Variants in CASP10 observed in about 807,000 individuals in gnomAD.
The protein encoded by CASP10 is caspase-10.
A neutral mutation model predicts 48.5 loss-of-function variants in CASP10; 41 were observed. The observed-to-expected ratio is 0.85, with a 90% CI of 0.66 to 1.10. The LOEUF (loss-of-function observed/expected upper bound fraction) is 1.10, where lower values mean the gene tolerates loss of function less well. CASP10 is among the 50% of genes least tolerant of loss of function. The pLI is 0.00. For synonymous variants in CASP10, 232 were observed against 238.4 expected, an observed-to-expected ratio of 0.97 and a Z score of 0.25; for missense variants, 614 against 614.5, an observed-to-expected ratio of 1.00 and a Z score of 0.01.
downstream of CASP10, among the ~76,000 whole-genome samples, chr2:201,226,537 TCCTG>T (rs1170706652): frequency 6.6e-6 from 1 of 152,212 alleles, no homozygotes; most frequent in Non-Finnish European, 1.5e-5. Context: ...GGTCTTGAAC[TCCTG>T]GCCTCAAGCA....
chr2:201,209,490 C>A lies in CASP10; in HGVS notation c.1343C>A (p.Ser448Tyr), dbSNP rs1945326479. 6.2e-7 allele frequency: 1 copy of A among 1,613,672 alleles called. No homozygotes were observed. The highest frequency in any genetic ancestry group is 1.7e-5 in the Admixed American group (1 of 59,924). ...LGLATVPGYV[S>Y]FRHVEEGSWY... ...CTGGCCACTGTCCCAGGCTATGTAT[C>A]CTTTCGGCATGTGGAGGAAGGCAGC... The change falls in exon 9 of 10, where the codon TCC (serine) becomes TAC (tyrosine). Residue 448 changes from serine to tyrosine, a missense_variant. Transcript: ENST00000286186.
At chr2:201,203,900 A>G in intron 6 of CASP10, 134 bp downstream of exon 6, 1 of 769,322 alleles carries the variant, frequency 1.3e-6, no homozygotes, top group East Asian at 2.7e-5. Context: ...TTTTTATTCC[A>G]ATTCAAGGCA....
chr2:201,188,049 C>T (rs1204772279), intron 3 of CASP10, among the ~76,000 whole-genome samples: 1 of 152,072 alleles, frequency 6.6e-6, no homozygotes, highest in East Asian at 1.9e-4. Context: ...TGTGGGCAAT[C>T]GTATGACTTC....
In CASP10 at chr2:201,209,219, C is replaced by T. The variant is rs1478166590; in HGVS notation, c.1072C>T (p.His358Tyr). ...GDCFVFCILT[H>Y]GRFGAVYSSD... Reference sequence around the variant, plus strand: ...CTGCTTCGTGTTCTGTATTCTGACCCATGGGAGATTTGGAGCTGTCTACTC... The same window carrying T: ...CTGCTTCGTGTTCTGTATTCTGACCTATGGGAGATTTGGAGCTGTCTACTC... Residue 358 changes from histidine to tyrosine, a missense_variant, in exon 9 of 10, where the codon CAT (histidine) becomes TAT (tyrosine). Coordinates refer to ENST00000286186, the MANE Select transcript of CASP10 (RefSeq NM_032977.4). 2 of 1,614,112 alleles carry T rather than the reference C, an allele frequency of 1.2e-6. No homozygotes were observed. The highest frequency in any genetic ancestry group is 2.2e-5 in the South Asian group (2 of 91,084).
intron 3 of CASP10, among the ~76,000 whole-genome samples, chr2:201,188,160 G>A (rs1944480048): frequency 6.6e-6 from 1 of 152,056 alleles, no homozygotes; most frequent in Non-Finnish European, 1.5e-5. Flanking sequence ...ACTTCTGTTG[G>A]AATCTGTTGT....
At chr2:201,197,608 C>A (rs561493365) in intron 5 of CASP10, among the ~76,000 whole-genome samples, 92 of 152,276 alleles carry the variant, frequency 6.0e-4, no homozygotes, top group Non-Finnish European at 1.0e-3. Context: ...GAGTGAGACC[C>A]TGTCTCAAAA....
At chr2:201,205,797 C>T in intron 6 of CASP10, 85 bp from the exon 7 acceptor site, 1 of 850,576 alleles carries the variant, frequency 1.2e-6, no homozygotes, top group Admixed American at 1.8e-5. Context: ...AAGCATAATT[C>T]TCCAGAATTA....
intron 4 of CASP10, among the ~76,000 whole-genome samples, chr2:201,194,625 A>G (rs1177710262): frequency 6.6e-6 from 1 of 152,188 alleles, no homozygotes; most frequent in African/African-American, 2.4e-5. Context: ...TTCTAAACAC[A>G]TTGTCATTTT....
intron 5 of CASP10, among the ~76,000 whole-genome samples, chr2:201,197,782 C>A (rs1402625088): frequency 6.6e-6 from 1 of 152,168 alleles, no homozygotes; most frequent in Non-Finnish European, 1.5e-5. Context: ...GCTGCTGCCA[C>A]CTTTTGACTA....
intron 5 of CASP10, among the ~76,000 whole-genome samples, chr2:201,197,412 C>T (rs1177593427): frequency 1.8e-4 from 28 of 152,072 alleles, no homozygotes; most frequent in Admixed American, 1.8e-3. Flanking sequence ...GCCAGGAGTT[C>T]GAGACCAGCC....
At chr2:201,228,530 G>A (rs1033349340) in intron 9 of CASP10, among the ~76,000 whole-genome samples, 4 of 152,174 alleles carry the variant, frequency 2.6e-5, no homozygotes, top group African/African-American at 7.2e-5. Context: ...CAGCCCTTGG[G>A]TTTAGCCACC....
chr2:201,199,815 C>A (rs752403974), intron 5 of CASP10, among the ~76,000 whole-genome samples: 87 of 152,112 alleles, frequency 5.7e-4, no homozygotes, highest in Admixed American at 3.4e-3. Flanking sequence ...CCTAAGTTAT[C>A]TGCCTGCCCC....
chr2:201,203,863 A>C, intron 6 of CASP10, 97 bp downstream of exon 6: 1 of 952,518 alleles, frequency 1.0e-6, no homozygotes. Context: ...CTTGGAAGAG[A>C]AGCTTTATAA....
chr2:201,218,875 A>G lies in CASP10; in HGVS notation c.*1134A>G, dbSNP rs759040658. 2.0e-6 allele frequency: 2 copies of G among 985,446 alleles called. No individual in the cohort carries two copies. The highest frequency in any genetic ancestry group is 2.4e-6 in the Non-Finnish European group (2 of 829,940). The allele number at this position is 985,446 out of a possible 1,614,324, so 61.0% of individuals were successfully genotyped here. ...TTTTGTGTAAGGAAGGTGCTCACAT[A>G]GGAAGTTTTTATTTGGTTAGAGACA... On this transcript the variant is annotated 3_prime_UTR_variant, in exon 10 of 10. Transcript: ENST00000286186.
intron 9 of CASP10, among the ~76,000 whole-genome samples, chr2:201,227,855 G>C (rs1029487654): frequency 9.3e-5 from 14 of 150,454 alleles, no homozygotes; most frequent in Middle Eastern, 3.4e-3. Flanking sequence ...CACCGCGCCC[G>C]GCCCCCAAAC....
chr2:201,191,509 T>C (rs1944610454), intron 3 of CASP10, among the ~76,000 whole-genome samples: 1 of 152,200 alleles, frequency 6.6e-6, no homozygotes, highest in South Asian at 2.1e-4. Context: ...CCTTTGGAAG[T>C]GTGTAAAGGA....
At chr2:201,200,064 GA>G in intron 5 of CASP10, among the ~76,000 whole-genome samples, 1 of 152,282 alleles carries the variant, frequency 6.6e-6, no homozygotes, top group East Asian at 1.9e-4. Flanking sequence ...GAATATCACA[GA>G]AGTGATGTGT....
chr2:201,205,741 C>T, intron 6 of CASP10, 141 bp from the exon 7 acceptor site: 2 of 694,788 alleles, frequency 2.9e-6, no homozygotes, highest in South Asian at 3.0e-5. Flanking sequence ...TCTCTCCCAT[C>T]AGGAAGGGCA....
exon 10 of CASP10, chr2:201,229,314 T>C (rs1945831478): frequency 1.7e-6 from 1 of 577,620 alleles, no homozygotes; most frequent in African/African-American, 1.9e-5. Flanking sequence ...TTTTCTTTAT[T>C]TAGAAATAGA....
Sources: gnomAD v4.1 joint callset for allele counts (sites outside exome capture counted in the v4.1 genomes callset) on GRCh38, gnomAD v4.1.1 for gene constraint, MANE v1.5 for transcripts, NCBI Gene and HGNC (gene_info 2026-07-23, HGNC 2026-07-21) for gene names.